The following CTNND2 variants were observed in gnomAD, a reference collection of about 807,000 sequenced individuals.
CTNND2 encodes catenin delta 2.
A neutral mutation model predicts 144.4 loss-of-function variants in CTNND2; 22 were observed. The ratio of observed to expected loss-of-function variants is 0.15; its 90% CI spans 0.11 to 0.22. The LOEUF (loss-of-function observed/expected upper bound fraction) is 0.22. Among genes scored for constraint, CTNND2 ranks in the 10% least tolerant of loss-of-function variants. The pLI is 1.00. For synonymous variants in CTNND2, 751 were observed against 695.6 expected, an observed-to-expected ratio of 1.08 and a Z score of -1.25; for missense variants, 1,353 against 1,618.8, an observed-to-expected ratio of 0.84 and a Z score of 2.82.
At chr5:11,568,218 T>C (rs1777277689) in intron 2 of CTNND2, among the ~76,000 whole-genome samples, 1 of 152,304 alleles carries the variant, frequency 6.6e-6, no homozygotes, top group African/African-American at 2.4e-5. Context: ...CTTACATACA[T>C]GGGCTGCTAA....
chr5:11,798,349 T>C (rs1362197627), intron 1 of CTNND2, among the ~76,000 whole-genome samples: 1 of 152,208 alleles, frequency 6.6e-6, no homozygotes, highest in Non-Finnish European at 1.5e-5. Flanking sequence ...GCTATTTTCT[T>C]TTAGTGGGGA....
intron 2 of CTNND2, among the ~76,000 whole-genome samples, chr5:11,568,698 C>T (rs547152290): frequency 6.6e-6 from 1 of 152,242 alleles, no homozygotes; most frequent in Admixed American, 6.5e-5. Flanking sequence ...CTGGAGGATA[C>T]TTAAACTGTG....
At chr5:11,450,138 T>C (rs915591314) in intron 3 of CTNND2, among the ~76,000 whole-genome samples, 10 of 152,218 alleles carry the variant, frequency 6.6e-5, no homozygotes, top group Non-Finnish European at 1.2e-4. Flanking sequence ...TCTCAACTTA[T>C]GTATCATTCG....
chr5:11,531,595 C>T (rs1407394654), intron 3 of CTNND2, among the ~76,000 whole-genome samples: 1 of 152,066 alleles, frequency 6.6e-6, no homozygotes, highest in Non-Finnish European at 1.5e-5. Flanking sequence ...CACTGTACTC[C>T]AGCCTGGAGG....
intron 11 of CTNND2, among the ~76,000 whole-genome samples, chr5:11,181,267 A>C (rs961437293): frequency 6.6e-6 from 1 of 152,188 alleles, no homozygotes; most frequent in Non-Finnish European, 1.5e-5. Context: ...TGCCTGGGGT[A>C]TAAGAAGTGC....
intron 10 of CTNND2, among the ~76,000 whole-genome samples, chr5:11,225,572 A>G (rs578260352): frequency 5.9e-5 from 9 of 152,178 alleles, no homozygotes; most frequent in Admixed American, 5.9e-4. Flanking sequence ...ACTGTTTCTT[A>G]AGATGTATTT....
chr5:11,381,350 T>C (rs1408366059), intron 7 of CTNND2, among the ~76,000 whole-genome samples: 1 of 152,144 alleles, frequency 6.6e-6, no homozygotes. Context: ...ATGGTGCCCA[T>C]GGGTTTAGCA....
At chr5:11,876,921 C>T (rs1347162507) in intron 1 of CTNND2, among the ~76,000 whole-genome samples, 1 of 152,158 alleles carries the variant, frequency 6.6e-6, no homozygotes, top group Non-Finnish European at 1.5e-5. Context: ...TTAATTATGA[C>T]AGTTAAGACC....
At position 11,384,711 on chromosome 5, in the gene CTNND2, C is replaced by T. The variant is rs1758863294; in HGVS notation, c.1131G>A (p.Gln377=). The change falls in exon 7 of 22, where the codon CAG becomes CAA. Residue 377 remains glutamine (Q), a synonymous_variant. Coordinates refer to ENST00000304623, the MANE Select transcript of CTNND2 (RefSeq NM_001332.4). The surrounding 1 kb of genome is among the most constrained non-coding windows in gnomAD (Gnocchi z 5.2). Reference sequence around the variant, plus strand: ...GGAGGGTGGCCGTGGCATACAGCTCCTGCGAGTGCTTGCTGTACTGCTCGG... The same window carrying T: ...GGAGGGTGGCCGTGGCATACAGCTCTTGCGAGTGCTTGCTGTACTGCTCGG... ...HASEQYSKHS[Q]ELYATATLQR... The T allele has an allele frequency of 6.2e-7, 1 of 1,610,710 alleles. No individual in the cohort carries two copies. Among genetic ancestry groups the T allele is most frequent in the Non-Finnish European group, 8.5e-7 (1 of 1,179,362 alleles).
intron 14 of CTNND2, 118 bp downstream of exon 14, chr5:11,110,740 C>A: frequency 1.1e-6 from 1 of 924,622 alleles, no homozygotes; most frequent in Non-Finnish European, 1.6e-6. Flanking sequence ...TGTGCAGATG[C>A]ATTAGTGATT....
rs1355723832 is a variant in CTNND2 at position 11,501,001 on chromosome 5, G to T, written c.287+63943C>A. 2.0e-5 allele frequency among the ~76,000 whole-genome samples: 3 copies of T among 152,050 alleles called. No homozygotes were observed. The East Asian group carries it at 5.8e-4, about 29-fold the overall frequency. On this transcript the variant is annotated intron_variant, in intron 3 of 21. Transcript: ENST00000304623. ...GTAATTAATCAAAAACTGCTTTATA[G>T]TATCTCTTTTATTGAATTTTCTTGT...
Position 11,538,897 on chromosome 5 carries a change from G to A in CTNND2, c.287+26047C>T, listed in dbSNP as rs556291314. Among the ~76,000 whole-genome samples the A allele has an allele frequency of 5.3e-5, 8 of 152,074 alleles. 1 individual carries two copies. In the South Asian group the frequency reaches 1.7e-3, roughly 32 times the overall value. ...GAACACTAGTAAGATTTTTCACCTGGATGTCTATAATAAGAACTAAATGGA... is the reference window on the plus strand; with the variant it reads ...GAACACTAGTAAGATTTTTCACCTGAATGTCTATAATAAGAACTAAATGGA... On this transcript the variant is annotated intron_variant, in intron 3 of 21. Coordinates refer to ENST00000304623, the MANE Select transcript of CTNND2 (RefSeq NM_001332.4).
At chr5:11,783,769 T>C (rs1177178543) in intron 1 of CTNND2, among the ~76,000 whole-genome samples, 1 of 152,220 alleles carries the variant, frequency 6.6e-6, no homozygotes, top group Non-Finnish European at 1.5e-5. Flanking sequence ...GGAAATCCTC[T>C]AGTGTAATGG....
chr5:11,872,782 G>A (rs1291397991), intron 1 of CTNND2, among the ~76,000 whole-genome samples: 1 of 151,880 alleles, frequency 6.6e-6, no homozygotes, highest in Non-Finnish European at 1.5e-5. Context: ...GATAGTTGTT[G>A]GGAAAACTGG....
chr5:11,431,850 G>A (rs1024882564), intron 3 of CTNND2, among the ~76,000 whole-genome samples: 2 of 152,168 alleles, frequency 1.3e-5, no homozygotes, highest in African/African-American at 2.4e-5. Context: ...GTTTGGGCTA[G>A]TTTGGTAAAG....
chr5:11,328,630 C>T (rs945580689), intron 9 of CTNND2, among the ~76,000 whole-genome samples: 2 of 152,146 alleles, frequency 1.3e-5, no homozygotes, highest in Non-Finnish European at 2.9e-5. Flanking sequence ...AGAAAAGATA[C>T]ATCTATATGA....
chr5:11,020,142 C>T (rs1452056281), intron 17 of CTNND2, among the ~76,000 whole-genome samples: 2 of 152,058 alleles, frequency 1.3e-5, no homozygotes, highest in Non-Finnish European at 1.5e-5. Flanking sequence ...TGGTTGTGTC[C>T]GCCAGACGCT....
intron 9 of CTNND2, among the ~76,000 whole-genome samples, chr5:11,293,992 G>A (rs1748630372): frequency 6.6e-6 from 1 of 151,298 alleles, no homozygotes; most frequent in African/African-American, 2.4e-5. Flanking sequence ...GGAACCCCAG[G>A]ACTGCCTTCC....
chr5:11,188,001 G>A (rs1403464391), intron 11 of CTNND2, among the ~76,000 whole-genome samples: 1 of 152,206 alleles, frequency 6.6e-6, no homozygotes, highest in Non-Finnish European at 1.5e-5. Flanking sequence ...TACACTGCTG[G>A]TGGGAATGTA....
Sources: allele counts gnomAD v4.1 joint callset (sites outside exome capture counted in the v4.1 genomes callset), GRCh38; gene constraint gnomAD v4.1.1; non-coding constraint Gnocchi (gnomAD v3.1); transcripts MANE v1.5; gene names NCBI Gene and HGNC (gene_info 2026-07-23, HGNC 2026-07-21).